RIMS2: variants seen among roughly 807,000 people sequenced by gnomAD.
The protein encoded by RIMS2 is regulating synaptic membrane exocytosis 2, also known as regulating synaptic membrane exocytosis protein 2.
In RIMS2, 59 loss-of-function variants were observed where a neutral mutation model predicts 174.4. That is an observed-to-expected ratio of 0.34 (90% CI 0.27 to 0.42). The LOEUF is 0.42. RIMS2 is among the 10% of genes least tolerant of loss of function. The pLI is 1.00. For missense variants in RIMS2, 1,620 were observed against 1,666.3 expected (o/e 0.97, Z 0.48); for synonymous variants, 606 against 572.5 (o/e 1.06, Z -0.84).
At chr8:103,579,673 C>T (rs548699163) in intron 1 of RIMS2, among the ~76,000 whole-genome samples, 2 of 152,134 alleles carry the variant, frequency 1.3e-5, no homozygotes, top group East Asian at 3.9e-4. Context: ...TTATAAGCTT[C>T]ATGGTAACCA....
chr8:103,642,194 CTT>C (rs2096245328), intron 1 of RIMS2, among the ~76,000 whole-genome samples: 1 of 151,986 alleles, frequency 6.6e-6, no homozygotes. Context: ...TATTTTCTCT[CTT>C]AGCATATCAA....
At chr8:104,062,240 C>CA (rs150001160) in intron 19 of RIMS2, among the ~76,000 whole-genome samples, 2 of 151,924 alleles carry the variant, frequency 1.3e-5, no homozygotes, top group Admixed American at 6.6e-5. Flanking sequence ...CCTGTCTCTA[C>CA]AAAAAATACA....
chr8:103,627,805 T>A (rs2095822499), intron 1 of RIMS2, among the ~76,000 whole-genome samples: 1 of 152,358 alleles, frequency 6.6e-6, no homozygotes, highest in Admixed American at 6.5e-5. Flanking sequence ...TCAGTTAAGA[T>A]CATTTTATTT....
chr8:103,619,483 A>C (rs2095585085), intron 1 of RIMS2, among the ~76,000 whole-genome samples: 2 of 152,208 alleles, frequency 1.3e-5, no homozygotes, highest in East Asian at 1.9e-4. Context: ...CAATATTTGC[A>C]TCTGAATTAA....
At chr8:104,158,365 C>T (rs569900292) in intron 19 of RIMS2, among the ~76,000 whole-genome samples, 10 of 152,148 alleles carry the variant, frequency 6.6e-5, no homozygotes, top group East Asian at 3.9e-4. Flanking sequence ...CATATGTGTG[C>T]GTGTGTCTTT....
chr8:103,723,323 A>C (rs978839857), intron 2 of RIMS2, among the ~76,000 whole-genome samples: 12 of 152,206 alleles, frequency 7.9e-5, no homozygotes, highest in African/African-American at 2.9e-4. Context: ...TTGAAGAAGT[A>C]AGCTCTTCTT....
chr8:103,706,982 A>G (rs904136395), intron 2 of RIMS2, among the ~76,000 whole-genome samples: 5 of 151,204 alleles, frequency 3.3e-5, no homozygotes, highest in Non-Finnish European at 7.4e-5. Context: ...TCTTTCATTT[A>G]TTTTCTTTTT....
intron 19 of RIMS2, among the ~76,000 whole-genome samples, chr8:104,172,362 G>A (rs986111078): frequency 1.3e-5 from 2 of 152,110 alleles, no homozygotes; most frequent in African/African-American, 4.8e-5. Flanking sequence ...GGTACCAACT[G>A]TAAAGAAACA....
chr8:103,668,770 TC>T (rs2096708203), intron 1 of RIMS2, among the ~76,000 whole-genome samples: 1 of 151,946 alleles, frequency 6.6e-6, no homozygotes, highest in Non-Finnish European at 1.5e-5. Flanking sequence ...AGCCTTGAAC[TC>T]CCGGGCTCAA....
chr8:103,579,619 G>C (rs1035911769), intron 1 of RIMS2, among the ~76,000 whole-genome samples: 1 of 152,078 alleles, frequency 6.6e-6, no homozygotes, highest in African/African-American at 2.4e-5. Context: ...TGTAAGGTAA[G>C]TTTTCACTTA....
chr8:104,208,575 A>G (rs2099091424), intron 19 of RIMS2, among the ~76,000 whole-genome samples: 1 of 99,064 alleles, frequency 1.0e-5, no homozygotes, highest in Admixed American at 1.1e-4. Flanking sequence ...CTCAAAAAAA[A>G]AGAAAAAAAA....
chr8:103,766,482 A>G, exon 3 of RIMS2: 3 of 1,613,954 alleles, frequency 1.9e-6, no homozygotes, highest in Non-Finnish European at 2.5e-6. Flanking sequence ...ACAGCATTCT[A>G]TTAAAAATGG....
At chr8:104,128,791 T>G (rs2098451520) in intron 19 of RIMS2, among the ~76,000 whole-genome samples, 1 of 152,242 alleles carries the variant, frequency 6.6e-6, no homozygotes, top group Non-Finnish European at 1.5e-5. Context: ...CATTAAATTT[T>G]TGTTTTCTTC....
chr8:103,529,422 G>A (rs1038424164), intron 1 of RIMS2, among the ~76,000 whole-genome samples: 5 of 152,182 alleles, frequency 3.3e-5, no homozygotes, highest in African/African-American at 9.7e-5. Flanking sequence ...GGAACCCTCC[G>A]AGCCATGCGC....
chr8:103,624,083 C>T (rs1256784846), intron 1 of RIMS2, among the ~76,000 whole-genome samples: 1 of 152,118 alleles, frequency 6.6e-6, no homozygotes, highest in East Asian at 1.9e-4. Context: ...AAGCAAAACC[C>T]ACAAACAAAA....
intron 10 of RIMS2, among the ~76,000 whole-genome samples, chr8:103,924,284 C>T (rs745434034): frequency 2.0e-5 from 3 of 151,602 alleles, no homozygotes; most frequent in Non-Finnish European, 4.4e-5. Flanking sequence ...AGTTTTGACC[C>T]CCACATCAGG....
At chr8:103,939,658 C>T (rs570317338) in intron 13 of RIMS2, among the ~76,000 whole-genome samples, 4 of 152,194 alleles carry the variant, frequency 2.6e-5, no homozygotes, top group African/African-American at 7.2e-5. Flanking sequence ...TCTTTTCTAT[C>T]GCATTGTCAG....
chr8:103,611,265 T>C (rs2095357928), intron 1 of RIMS2, among the ~76,000 whole-genome samples: 1 of 152,200 alleles, frequency 6.6e-6, no homozygotes, highest in African/African-American at 2.4e-5. Flanking sequence ...TATGTCTTAT[T>C]ATACTATGTC....
intron 19 of RIMS2, among the ~76,000 whole-genome samples, chr8:104,079,931 G>C (rs983930724): frequency 6.6e-6 from 1 of 151,694 alleles, no homozygotes; most frequent in African/African-American, 2.4e-5. Context: ...GTTTGAAAAA[G>C]ATTCTAGAGA....
Sources: allele counts gnomAD v4.1 joint callset (sites outside exome capture counted in the v4.1 genomes callset), GRCh38; gene constraint gnomAD v4.1.1; transcripts MANE v1.5; gene names NCBI Gene and HGNC (gene_info 2026-07-23, HGNC 2026-07-21).